PCDHGA8: variants seen among roughly 807,000 people sequenced by gnomAD.
PCDHGA8 encodes protocadherin gamma subfamily A, 8.
PCDHGA8 carries 45 observed loss-of-function variants against 59.2 expected under a neutral mutation model. That is an observed-to-expected ratio of 0.76 (90% CI 0.60 to 0.98). The LOEUF (loss-of-function observed/expected upper bound fraction) is 0.98, where lower values mean the gene tolerates loss of function less well. PCDHGA8 is among the 50% of genes least tolerant of loss of function. The pLI is 0.00. For synonymous variants in PCDHGA8, 531 were observed against 519.0 expected, an observed-to-expected ratio of 1.02 and a Z score of -0.32; for missense variants, 1,257 against 1,196.2, an observed-to-expected ratio of 1.05 and a Z score of -0.75.
At chr5:141,433,257 G>A (rs764036349) in intron 1 of PCDHGA8, 4 of 1,385,412 alleles carry the variant, frequency 2.9e-6, no homozygotes, top group Non-Finnish European at 4.0e-6. Context: ...GCAGCGGTAC[G>A]ATCATAGCTC....
At chr5:141,435,383 G>C (rs1057246190) in intron 1 of PCDHGA8, among the ~76,000 whole-genome samples, 4 of 151,898 alleles carry the variant, frequency 2.6e-5, no homozygotes, top group Admixed American at 2.0e-4. Flanking sequence ...ACAATATACC[G>C]TATTGCCATG....
intron 1 of PCDHGA8, chr5:141,423,914 A>G (rs2096790099): frequency 3.0e-5 from 38 of 1,268,116 alleles, no homozygotes; most frequent in Non-Finnish European, 3.0e-6. Flanking sequence ...GGGGCCATTC[A>G]ACTATGCTGG....
chr5:141,511,082 C>T lies in PCDHGA8; in HGVS notation c.2708C>T (p.Thr903Ile). Residue 903 changes from threonine to isoleucine, a missense_variant, in exon 4 of 4, where the codon ACA (threonine) becomes ATA (isoleucine). By Grantham distance (89) the Thr-to-Ile change is moderately conservative. Transcript: ENST00000398604. ...QNVYIPGSNA[T>I]LTNAAGKRDG... ...GTCTACATCCCAGGCAGCAATGCCA[C>T]ACTGACCAACGCAGCTGGCAAGCGG... 1 of 1,614,224 alleles carries T rather than the reference C, an allele frequency of 6.2e-7. No individual in the cohort carries two copies. Among genetic ancestry groups the T allele is most frequent in the Non-Finnish European group, 8.5e-7 (1 of 1,180,028 alleles).
intron 1 of PCDHGA8, chr5:141,478,144 G>A (rs2099432883): frequency 6.2e-7 from 1 of 1,613,918 alleles, no homozygotes; most frequent in Non-Finnish European, 8.5e-7. Flanking sequence ...CCCGAGCCGA[G>A]TTCCCCTCTG....
chr5:141,442,796 T>G (rs909745554), intron 1 of PCDHGA8, among the ~76,000 whole-genome samples: 16 of 152,326 alleles, frequency 1.1e-4, no homozygotes, highest in African/African-American at 3.8e-4. Context: ...AATTTTACTT[T>G]GATATTCAAA....
chr5:141,500,520 T>A (rs2099801106), intron 2 of PCDHGA8, among the ~76,000 whole-genome samples: 1 of 152,194 alleles, frequency 6.6e-6, no homozygotes, highest in South Asian at 2.1e-4. Context: ...AGCTTCATTT[T>A]AAAAAAATCT....
chr5:141,466,989 G>C, intron 1 of PCDHGA8, among the ~76,000 whole-genome samples: 1 of 150,922 alleles, frequency 6.6e-6, no homozygotes. Context: ...TTTACCTTTT[G>C]GCATTTTTTT....
chr5:141,478,385 T>C (rs919846683), intron 1 of PCDHGA8: 1 of 1,613,628 alleles, frequency 6.2e-7, no homozygotes, highest in Non-Finnish European at 8.5e-7. Context: ...GCCGCACCTT[T>C]ACCATCAGGT....
intron 1 of PCDHGA8, among the ~76,000 whole-genome samples, chr5:141,396,987 T>C (rs2093462210): frequency 6.6e-6 from 1 of 152,232 alleles, no homozygotes; most frequent in Admixed American, 6.5e-5. Context: ...GCTAGTTGTT[T>C]TTATTAATCT....
At chr5:141,415,416 G>C (rs747598923) in intron 1 of PCDHGA8, 3 of 1,614,220 alleles carry the variant, frequency 1.9e-6, no homozygotes, top group Non-Finnish European at 2.5e-6. Flanking sequence ...TTGTGGGCGT[G>C]GACGGGGTTC....
intron 1 of PCDHGA8, chr5:141,421,421 T>A (rs982627903): frequency 6.2e-7 from 1 of 1,613,876 alleles, no homozygotes; most frequent in Non-Finnish European, 8.5e-7. Flanking sequence ...AAGCGCGGAG[T>A]CCGCATCGTC....
rs1340147578 is a variant in PCDHGA8, at chr5:141,487,141, T to C, written c.2425-7666T>C. On this transcript the variant is annotated intron_variant, in intron 1 of 3. Transcript: ENST00000398604. This position sits in a 1 kb window ranked among gnomAD's most constrained non-coding sequence, Gnocchi z 5.0. ...AGGATAGTGGTAGTCCACCACTCTCTACCTCTGTTACTCTCTTAGTGTCCT... is the reference window on the plus strand; with the variant it reads ...AGGATAGTGGTAGTCCACCACTCTCCACCTCTGTTACTCTCTTAGTGTCCT... The C allele has an allele frequency of 1.2e-6, 2 of 1,613,882 alleles. No individual in the cohort carries two copies. Among genetic ancestry groups the C allele is most frequent in the African/African-American group, 2.7e-5 (2 of 74,934 alleles).
At chr5:141,405,938 G>A (rs1249578216) in intron 1 of PCDHGA8, among the ~76,000 whole-genome samples, 2 of 152,114 alleles carry the variant, frequency 1.3e-5, no homozygotes, top group Non-Finnish European at 2.9e-5. Flanking sequence ...TAACTTTCAT[G>A]TTCTCATAAT....
At chr5:141,488,859 G>A (rs1033425540) in intron 1 of PCDHGA8, among the ~76,000 whole-genome samples, 12 of 152,204 alleles carry the variant, frequency 7.9e-5, no homozygotes, top group African/African-American at 2.9e-4. Context: ...GCAGCACGAA[G>A]TGAGTGGGGA....
At chr5:141,433,381 A>ATCTC (rs1561869478) in intron 1 of PCDHGA8, among the ~76,000 whole-genome samples, 1 of 151,148 alleles carries the variant, frequency 6.6e-6, no homozygotes, top group Admixed American at 6.6e-5. Flanking sequence ...CTATCTATCT[A>ATCTC]TCTATCTATC....
intron 1 of PCDHGA8, among the ~76,000 whole-genome samples, chr5:141,462,493 A>G (rs1432919197): frequency 2.0e-5 from 3 of 152,144 alleles, no homozygotes; most frequent in South Asian, 4.1e-4. Context: ...GTTGTATCCT[A>G]TAATTGTCAA....
In PCDHGA8 at chr5:141,511,460, A is replaced by ACCC. The variant is rs1367357803; in HGVS notation, c.*289_*291dup. The ACCC allele has an allele frequency of 2.4e-4, 137 of 564,806 alleles. 1 individual carries two copies. In the Middle Eastern group the frequency reaches 2.7e-3, roughly 11 times the overall value. The allele number at this position is 564,806 out of a possible 1,614,324, so 35.0% of individuals were successfully genotyped here. A position where few individuals can be genotyped will look rare whatever the true frequency, so the allele number is the denominator to read the frequency against. ...GTAGACACCAAGAACCATTTGCCAC[A>ACCC]CCCCGTTTAGTTACAGCTGAACTCC... On this transcript the variant is annotated 3_prime_UTR_variant, in exon 4 of 4. Transcript: ENST00000398604.
intron 1 of PCDHGA8, chr5:141,428,594 G>T (rs1317075888): frequency 4.4e-6 from 1 of 227,916 alleles, no homozygotes; most frequent in Admixed American, 5.2e-5. Context: ...CTGGTAGCAA[G>T]CTTCACTGAA....
intron 1 of PCDHGA8, among the ~76,000 whole-genome samples, chr5:141,400,820 G>A (rs1419111099): frequency 6.6e-6 from 1 of 152,082 alleles, no homozygotes; most frequent in African/African-American, 2.4e-5. Context: ...TTACCTATTC[G>A]TTGTCTCATT....
Sources: gnomAD v4.1 joint callset for allele counts (sites outside exome capture counted in the v4.1 genomes callset) on GRCh38, gnomAD v4.1.1 for gene constraint, Gnocchi (gnomAD v3.1) non-coding constraint, MANE v1.5 for transcripts, NCBI Gene and HGNC (gene_info 2026-07-23, HGNC 2026-07-21) for gene names.